Variants in L3MBTL4 observed in about 807,000 individuals in gnomAD.
L3MBTL4 encodes L3MBTL histone methyl-lysine binding protein 4.
A neutral mutation model predicts 84.5 loss-of-function variants in L3MBTL4; 70 were observed. That is an observed-to-expected ratio of 0.83 (90% CI 0.68 to 1.01). The LOEUF (loss-of-function observed/expected upper bound fraction) is 1.01, where lower values mean the gene tolerates loss of function less well. L3MBTL4 is among the 50% of genes least tolerant of loss of function. The pLI, the probability that L3MBTL4 is intolerant of heterozygous loss-of-function variation, is 0.00. For missense variants in L3MBTL4, 715 were observed against 754.8 expected (o/e 0.95, Z 0.62); for synonymous variants, 274 against 259.8 (o/e 1.05, Z -0.52).
At chr18:6,154,203 T>C (rs1372414732) in intron 13 of L3MBTL4, among the ~76,000 whole-genome samples, 1 of 152,198 alleles carries the variant, frequency 6.6e-6, no homozygotes, top group Non-Finnish European at 1.5e-5. Flanking sequence ...ACTATTAGTG[T>C]ATTGCTGTCT....
At chr18:6,111,077 AG>A (rs1262086048) in intron 14 of L3MBTL4, among the ~76,000 whole-genome samples, 4 of 152,158 alleles carry the variant, frequency 2.6e-5, no homozygotes, top group Admixed American at 2.0e-4. Context: ...TGCAAGGAAA[AG>A]AAAGAACCTA....
At chr18:6,105,226 T>A (rs2058965378) in intron 14 of L3MBTL4, among the ~76,000 whole-genome samples, 1 of 145,108 alleles carries the variant, frequency 6.9e-6, no homozygotes, top group Non-Finnish European at 1.5e-5. Context: ...AATCTCGCTC[T>A]GTCTCCCAGG....
At chr18:6,236,181 T>C (rs987210243) in intron 10 of L3MBTL4, among the ~76,000 whole-genome samples, 1 of 152,182 alleles carries the variant, frequency 6.6e-6, no homozygotes, top group Admixed American at 6.5e-5. Flanking sequence ...GTGTTCCAAT[T>C]TGGAAATTTA....
chr18:6,266,934 A>AAATAAT (rs545663526), intron 4 of L3MBTL4, among the ~76,000 whole-genome samples: 1 of 151,434 alleles, frequency 6.6e-6, no homozygotes, highest in African/African-American at 2.4e-5. Context: ...GAAAAAAATA[A>AAATAAT]AATAATAATA....
chr18:6,109,971 G>A (rs573178555), intron 14 of L3MBTL4, among the ~76,000 whole-genome samples: 14 of 152,256 alleles, frequency 9.2e-5, no homozygotes, highest in South Asian at 4.1e-4. Context: ...AGGGCAGGCC[G>A]AGGTGGACTC....
chr18:6,331,428 G>T (rs188685979), intron 1 of L3MBTL4, among the ~76,000 whole-genome samples: 3 of 152,082 alleles, frequency 2.0e-5, no homozygotes, highest in African/African-American at 7.2e-5. Context: ...TAACAAAACT[G>T]CCCCATAGCA....
chr18:6,156,020 A>G (rs2043088891), intron 13 of L3MBTL4, among the ~76,000 whole-genome samples: 1 of 152,196 alleles, frequency 6.6e-6, no homozygotes, highest in South Asian at 2.1e-4. Flanking sequence ...TGCTAATACC[A>G]TTAAGCTTGT....
intron 14 of L3MBTL4, among the ~76,000 whole-genome samples, chr18:6,094,568 G>A (rs1005218184): frequency 6.6e-6 from 1 of 152,150 alleles, no homozygotes; most frequent in Admixed American, 6.5e-5. Context: ...TATCGAGGCA[G>A]TTGATTCTTT....
At chr18:6,043,046 C>G (rs2056469409) in intron 16 of L3MBTL4, among the ~76,000 whole-genome samples, 1 of 152,158 alleles carries the variant, frequency 6.6e-6, no homozygotes, top group Non-Finnish European at 1.5e-5. Context: ...GTTGTCCAAG[C>G]CATCCTTAAT....
intron 13 of L3MBTL4, among the ~76,000 whole-genome samples, chr18:6,157,166 T>C (rs1370868969): frequency 1.3e-5 from 2 of 152,216 alleles, no homozygotes; most frequent in Non-Finnish European, 2.9e-5. Context: ...TATGCTGTAA[T>C]TGTCTATTAA....
chr18:6,182,814 C>A (rs557069115), intron 12 of L3MBTL4, among the ~76,000 whole-genome samples: 13 of 152,194 alleles, frequency 8.5e-5, no homozygotes, highest in Non-Finnish European at 1.5e-4. Flanking sequence ...TAGATAAAAT[C>A]TTTTCAAATG....
intron 13 of L3MBTL4, among the ~76,000 whole-genome samples, chr18:6,152,424 A>T (rs2042936731): frequency 6.6e-6 from 1 of 152,176 alleles, no homozygotes; most frequent in South Asian, 2.1e-4. Context: ...GATAACAATC[A>T]TCCTAACAGG....
chr18:6,320,105 TA>T (rs532272451), intron 1 of L3MBTL4, among the ~76,000 whole-genome samples: 4 of 151,886 alleles, frequency 2.6e-5, no homozygotes, highest in Non-Finnish European at 2.9e-5. Context: ...CCCTTTATGA[TA>T]AAAAACCCTC....
At chr18:6,341,484 T>C (rs530958074) in intron 1 of L3MBTL4, among the ~76,000 whole-genome samples, 9 of 151,940 alleles carry the variant, frequency 5.9e-5, no homozygotes, top group Admixed American at 3.3e-4. Flanking sequence ...ATACAACACC[T>C]GAACTCAAAA....
chr18:6,117,200 T>C (rs2059387070), intron 14 of L3MBTL4, among the ~76,000 whole-genome samples: 1 of 152,160 alleles, frequency 6.6e-6, no homozygotes, highest in Non-Finnish European at 1.5e-5. Flanking sequence ...GACTAATTTA[T>C]AGACAGGTGA....
At chr18:5,982,498 G>A (rs1331144795) in intron 16 of L3MBTL4, among the ~76,000 whole-genome samples, 1 of 152,160 alleles carries the variant, frequency 6.6e-6, no homozygotes, top group Non-Finnish European at 1.5e-5. Context: ...AGAATTTTTT[G>A]CAGAAGCACA....
At chr18:6,017,308 A>G (rs1485345317) in intron 16 of L3MBTL4, among the ~76,000 whole-genome samples, 1 of 134,996 alleles carries the variant, frequency 7.4e-6, no homozygotes, top group Non-Finnish European at 1.6e-5. Flanking sequence ...ACACTTCTCA[A>G]GCAGTGACAG....
chr18:6,383,358 CA>C (rs548270277), intron 1 of L3MBTL4, among the ~76,000 whole-genome samples: 84 of 151,046 alleles, frequency 5.6e-4, no homozygotes, highest in Non-Finnish European at 3.1e-4. Context: ...CACTGGGATA[CA>C]AAAAAAAACT....
At chr18:6,043,579 T>C (rs2056494676) in intron 16 of L3MBTL4, among the ~76,000 whole-genome samples, 2 of 152,206 alleles carry the variant, frequency 1.3e-5, no homozygotes, top group African/African-American at 4.8e-5. Context: ...GAGCCTCCTA[T>C]GCAATCTTCA....
Sources: gnomAD v4.1 joint callset for allele counts (sites outside exome capture counted in the v4.1 genomes callset) on GRCh38, gnomAD v4.1.1 for gene constraint, MANE v1.5 for transcripts, NCBI Gene and HGNC (gene_info 2026-07-23, HGNC 2026-07-21) for gene names.